Variants in PIK3CA observed in about 807,000 individuals in gnomAD.
PIK3CA encodes the protein phosphatidylinositol-4,5-bisphosphate 3-kinase catalytic subunit alpha.
In PIK3CA, 27 loss-of-function variants were observed where a neutral mutation model predicts 138.2. The ratio of observed to expected loss-of-function variants is 0.20; its 90% CI spans 0.14 to 0.27. The LOEUF (loss-of-function observed/expected upper bound fraction) is 0.27, where lower values mean the gene tolerates loss of function less well. Ranked by LOEUF, PIK3CA falls within the 10% of genes least tolerant of loss-of-function variation. The pLI, the probability that PIK3CA is intolerant of heterozygous loss-of-function variation, is 1.00. For synonymous variants in PIK3CA, 358 were observed against 413.2 expected (o/e 0.87, Z 1.62); for missense variants, 544 against 1,277.4 (o/e 0.43, Z 8.75).
At position 179,204,541 on chromosome 3, in the gene PIK3CA, C is replaced by A. The variant is rs1442927984; in HGVS notation, c.1098C>A (p.Pro366=). 6.3e-7 allele frequency: 1 copy of A among 1,593,712 alleles called. No individual in the cohort carries two copies. The highest frequency in any genetic ancestry group is 1.1e-5 in the South Asian group (1 of 90,562). ...VRTGIYHGGE[P]LCDNVNTQRV... Reference sequence around the variant, plus strand: ...CAGGTATCTACCATGGAGGAGAACCCTTATGTGACAATGTGAACACTCAAA... The same window carrying A: ...CAGGTATCTACCATGGAGGAGAACCATTATGTGACAATGTGAACACTCAAA... The change falls in exon 6 of 21, where the codon CCC becomes CCA. Residue 366 remains proline, a synonymous_variant. Transcript: ENST00000263967.
intron 1 of PIK3CA, among the ~76,000 whole-genome samples, chr3:179,163,143 T>C (rs1723326319): frequency 6.6e-6 from 1 of 152,138 alleles, no homozygotes; most frequent in Non-Finnish European, 1.5e-5. Context: ...AAACTAAGAT[T>C]TGTTTTTGAG....
intron 1 of PIK3CA, 54 bp from the exon 2 acceptor site, chr3:179,198,696 G>A (rs904791971): frequency 5.7e-6 from 3 of 526,604 alleles, no homozygotes; most frequent in South Asian, 3.6e-5. Context: ...TGTTATAAAT[G>A]TATTCTTCTG....
chr3:179,206,141 G>A (rs1258795284), intron 6 of PIK3CA, among the ~76,000 whole-genome samples: 2 of 147,706 alleles, frequency 1.4e-5, no homozygotes, highest in African/African-American at 5.1e-5. Flanking sequence ...GCCCAGGCTG[G>A]AGTACAGTCA....
chr3:179,174,678 T>C (rs1723651075), intron 1 of PIK3CA, among the ~76,000 whole-genome samples: 1 of 152,252 alleles, frequency 6.6e-6, no homozygotes, highest in Non-Finnish European at 1.5e-5. Flanking sequence ...TTTTCTCTTA[T>C]AATTTTAATG....
chr3:179,223,236 C>G (rs1725007966), intron 14 of PIK3CA, among the ~76,000 whole-genome samples: 1 of 152,142 alleles, frequency 6.6e-6, no homozygotes, highest in Non-Finnish European at 1.5e-5. Flanking sequence ...AAGAAAAAAA[C>G]TTATTTAAAT....
chr3:179,186,584 C>G (rs1723987655), intron 1 of PIK3CA, among the ~76,000 whole-genome samples: 1 of 152,166 alleles, frequency 6.6e-6, no homozygotes, highest in Admixed American at 6.5e-5. Context: ...TTCCAAGTCA[C>G]AAAGGGATTT....
chr3:179,190,632 CTT>C (rs1215291671), intron 1 of PIK3CA, among the ~76,000 whole-genome samples: 3 of 150,944 alleles, frequency 2.0e-5, no homozygotes, highest in Non-Finnish European at 4.4e-5. Context: ...ATCAGAAAAG[CTT>C]TTTTTTTCTC....
Position 179,239,732 on chromosome 3 carries a change from C to G in PIK3CA, c.*5368C>G. ...CACCTGGAAGCTTTATCAAGAAATT[C>G]GAACCACCCTTTTGGCCCCATTAAT... On this transcript the variant is annotated 3_prime_UTR_variant, in exon 21 of 21. Transcript: ENST00000263967. 2.7e-6 allele frequency: 1 copy of G among 365,600 alleles called. No homozygotes were observed. The highest frequency in any genetic ancestry group is 4.0e-5 in the East Asian group (1 of 24,904). The allele number at this position is 365,600 out of a possible 1,614,324, so 22.6% of individuals were successfully genotyped here.
rs1725162245 is a variant in PIK3CA, at chr3:179,229,450, GTAT to G, written c.2666+13_2666+15del. On this transcript the variant is annotated intron_variant, in intron 18 of 20. Transcript: ENST00000263967. ...CAAGAACAAAGGAGAAATGTGAGTT[GTAT>G]TATTCTTTCTTCCTATGTTAATCTA... 6.2e-7 allele frequency: 1 copy of G among 1,600,772 alleles called. No individual in the cohort carries two copies. Among genetic ancestry groups the G allele is most frequent in the Non-Finnish European group, 8.5e-7 (1 of 1,173,328 alleles).
chr3:179,210,409 T>C (rs754836362), intron 8 of PIK3CA, 22 bp from the exon 9 acceptor site: 1 of 1,608,744 alleles, frequency 6.2e-7, no homozygotes, highest in South Asian at 1.1e-5. Flanking sequence ...GTATATATAA[T>C]AGCTTTTCTT....
At chr3:179,164,158 A>G (rs1399809651) in intron 1 of PIK3CA, among the ~76,000 whole-genome samples, 1 of 152,060 alleles carries the variant, frequency 6.6e-6, no homozygotes, top group East Asian at 1.9e-4. Context: ...ACAAGTATAC[A>G]AAACTATAGA....
intron 3 of PIK3CA, 73 bp from the exon 4 acceptor site, chr3:179,201,217 A>T: frequency 8.1e-7 from 1 of 1,239,826 alleles, no homozygotes; most frequent in Admixed American, 2.0e-5. Flanking sequence ...AATGATAGTG[A>T]ATACTTGTTG....
At chr3:179,161,246 G>C (rs1723271317) in intron 1 of PIK3CA, among the ~76,000 whole-genome samples, 1 of 152,194 alleles carries the variant, frequency 6.6e-6, no homozygotes, top group South Asian at 2.1e-4. Context: ...ACATAGATTT[G>C]TCACCTTATT....
intron 1 of PIK3CA, among the ~76,000 whole-genome samples, chr3:179,180,794 G>A (rs1300698327): frequency 7.2e-5 from 11 of 152,092 alleles, no homozygotes; most frequent in Admixed American, 6.5e-4. Flanking sequence ...AATTTGGGGG[G>A]ACACACTTTA....
chr3:179,236,130 T>C lies in PIK3CA; in HGVS notation c.*1766T>C, dbSNP rs1390230528. On this transcript the variant is annotated 3_prime_UTR_variant, in exon 21 of 21. Transcript: ENST00000263967. The stretch of plus-strand genomic sequence containing the variant: ...AAATCTGTTACCTATAGTTGAAGTC[T>C]TGAGTAGTGAACAAGGGACTCTAAT... The C allele has an allele frequency of 9.7e-6, 2 of 206,638 alleles. No individual in the cohort carries two copies. Among genetic ancestry groups the C allele is most frequent in the Admixed American group, 5.9e-5 (1 of 16,850 alleles). 12.8% of individuals were successfully genotyped at this position (206,638 alleles called of 1,614,324 possible).
chr3:179,154,592 T>A (rs1576910865), intron 1 of PIK3CA, among the ~76,000 whole-genome samples: 1 of 124,444 alleles, frequency 8.0e-6, no homozygotes, highest in African/African-American at 3.8e-5. Flanking sequence ...TATATGTATA[T>A]GGTGGGGGAC....
chr3:179,156,747 G>A (rs1723147943), intron 1 of PIK3CA, among the ~76,000 whole-genome samples: 2 of 152,094 alleles, frequency 1.3e-5, no homozygotes, highest in African/African-American at 4.8e-5. Flanking sequence ...GTTATTTTGA[G>A]GATGTACTCA....
chr3:179,192,924 A>T (rs888968993), intron 1 of PIK3CA, among the ~76,000 whole-genome samples: 3 of 152,252 alleles, frequency 2.0e-5, no homozygotes, highest in African/African-American at 4.8e-5. Context: ...GGTCTGAAAG[A>T]GTACACATCA....
intron 1 of PIK3CA, among the ~76,000 whole-genome samples, chr3:179,173,427 A>C (rs1048277649): frequency 6.7e-6 from 1 of 149,170 alleles, no homozygotes; most frequent in Non-Finnish European, 1.5e-5. Flanking sequence ...AAAAAAAAAA[A>C]ACTTAGCCAG....
Sources: gnomAD v4.1 joint callset for allele counts (sites outside exome capture counted in the v4.1 genomes callset) on GRCh38, gnomAD v4.1.1 for gene constraint, MANE v1.5 for transcripts, NCBI Gene and HGNC (gene_info 2026-07-23, HGNC 2026-07-21) for gene names.